Variants in ZMYND19 observed in about 807,000 individuals in gnomAD.
The protein encoded by ZMYND19 is zinc finger MYND-type containing 19, also known as zinc finger MYND domain-containing protein 19.
In ZMYND19, 17 loss-of-function variants were observed where a neutral mutation model predicts 32.0. The observed-to-expected ratio is 0.53, with a 90% CI of 0.36 to 0.80. ZMYND19 has a LOEUF of 0.80. Among genes scored for constraint, ZMYND19 ranks in the 30% least tolerant of loss-of-function variants. The pLI is 0.00. For synonymous variants in ZMYND19, 124 were observed against 113.6 expected (o/e 1.09, Z -0.58); for missense variants, 250 against 293.6 (o/e 0.85, Z 1.09).
At chr9:137,582,832 G>T in intron 5 of ZMYND19, 146 bp from the exon 6 acceptor site, 1 of 1,503,416 alleles carries the variant, frequency 6.7e-7, no homozygotes, top group Non-Finnish European at 8.9e-7. Context: ...GCCAGCACAA[G>T]GGCAAAGGGA....
chr9:137,590,391 G>T lies in ZMYND19; in HGVS notation c.-128C>A. ...CGGGGTCGGGGTAGCAGCCAGGCGGGCTCCGGGCGGGACGAGGCTGGGCCG... is the reference window on the plus strand; with the variant it reads ...CGGGGTCGGGGTAGCAGCCAGGCGGTCTCCGGGCGGGACGAGGCTGGGCCG... On this transcript the variant is annotated 5_prime_UTR_variant, in exon 1 of 6. Coordinates refer to ENST00000298585, the MANE Select transcript of ZMYND19 (RefSeq NM_138462.3). The surrounding 1 kb of genome is among the most constrained non-coding windows in gnomAD (Gnocchi z 4.2). 1.8e-6 allele frequency: 1 copy of T among 549,328 alleles called. No homozygotes were observed. The highest frequency in any genetic ancestry group is 2.3e-6 in the Non-Finnish European group (1 of 432,840). The allele number at this position is 549,328 out of a possible 1,614,324, so 34.0% of individuals were successfully genotyped here. A position where few individuals can be genotyped will look rare whatever the true frequency, so the allele number is the denominator to read the frequency against.
intron 4 of ZMYND19, among the ~76,000 whole-genome samples, chr9:137,584,963 G>A (rs747124600): frequency 6.6e-6 from 1 of 152,154 alleles, no homozygotes; most frequent in Non-Finnish European, 1.5e-5. Flanking sequence ...TCTGTTTCTT[G>A]CAACCCAAAG....
At position 137,587,036 on chromosome 9, in the gene ZMYND19, C is replaced by A. The variant is rs1329205190; in HGVS notation, c.290G>T (p.Arg97Leu). Reference sequence around the variant, plus strand: ...CGGCACCAGTTGCAGGTTGTCCAGGCGATTGTCCACGGTCACAGCGTTGAG... The same window carrying A: ...CGGCACCAGTTGCAGGTTGTCCAGGAGATTGTCCACGGTCACAGCGTTGAG... ...VHLNAVTVDN[R>L]LDNLQLVPWG... The change falls in exon 4 of 6, where the codon CGC (arginine) becomes CTC (leucine). Residue 97 changes from arginine (R) to leucine (L), a missense_variant. By Grantham distance (102) the Arg-to-Leu change is moderately radical. This residue lies in a region of ZMYND19 where 212 missense variants were observed against 218.8 expected (regional missense o/e 0.97). Transcript: ENST00000298585. 1.9e-6 allele frequency: 3 copies of A among 1,611,822 alleles called. No individual in the cohort carries two copies. Among genetic ancestry groups the A allele is most frequent in the Non-Finnish European group, 2.5e-6 (3 of 1,180,028 alleles).
rs1235562329 is a variant in ZMYND19, at chr9:137,587,819, C to T, written c.116G>A (p.Arg39Gln). 6 of 1,613,922 alleles carry T rather than the reference C, an allele frequency of 3.7e-6. No individual in the cohort carries two copies. Among genetic ancestry groups the T allele is most frequent in the Admixed American group, 1.7e-5 (1 of 60,006 alleles). The change falls in exon 3 of 6, where the codon CGA (arginine) becomes CAA (glutamine). Residue 39 changes from arginine to glutamine, a missense_variant. Arg to Gln is a conservative substitution (Grantham distance 43, BLOSUM62 1). Transcript: ENST00000298585. ...ATTTCCATCTGCATCCACTTCCATT[C>T]GGGCCTGAGAAGGAACAAGGGAAAG... Reference protein sequence around the residue: ...PLVESYSFEARMEVDADGNGA... With the variant: ...PLVESYSFEAQMEVDADGNGA...
At chr9:137,584,651 G>A (rs1842184111) in intron 4 of ZMYND19, among the ~76,000 whole-genome samples, 1 of 152,156 alleles carries the variant, frequency 6.6e-6, no homozygotes, top group Admixed American at 6.5e-5. Context: ...GGACAACGCA[G>A]GAGGAGATGC....
intron 2 of ZMYND19, 79 bp downstream of exon 2, chr9:137,588,580 G>C (rs1842233332): frequency 6.6e-7 from 1 of 1,524,150 alleles, no homozygotes; most frequent in Admixed American, 1.7e-5. Context: ...TTGCAGCACA[G>C]GGGAGAGAGC....
Position 137,587,806 on chromosome 9 carries a change from A to C in ZMYND19, c.129T>G (p.Asp43Glu). The change falls in exon 3 of 6, where the codon GAT (aspartate) becomes GAG (glutamate). Residue 43 changes from aspartate (D) to glutamate (E), a missense_variant. Physicochemically the swap from Asp to Glu is conservative, Grantham distance 45 (BLOSUM62 2). Around this residue, in one of 2 missense-constraint regions of ZMYND19, gnomAD observed 212 missense variants for 218.8 expected, o/e 0.97. Transcript: ENST00000298585. ...ATATCTTAGCACCATTTCCATCTGC[A>C]TCCACTTCCATTCGGGCCTGAGAAG... The part of the protein sequence containing the change: ...SYSFEARMEV[D>E]ADGNGAKIFA... 1 of 1,614,144 alleles carries C rather than the reference A, an allele frequency of 6.2e-7. No homozygotes were observed. The highest frequency in any genetic ancestry group is 8.5e-7 in the Non-Finnish European group (1 of 1,180,022).
At chr9:137,589,994 T>G (rs891149777) in intron 1 of ZMYND19, 44 of 985,028 alleles carry the variant, frequency 4.5e-5, no homozygotes, top group Non-Finnish European at 5.3e-5. Context: ...GGTGGCCAGG[T>G]GCACCCCAGA....
intron 1 of ZMYND19, chr9:137,589,792 G>A (rs1443119989): frequency 1.5e-5 from 15 of 985,508 alleles, no homozygotes; most frequent in Middle Eastern, 1.0e-3. Flanking sequence ...GTGTGGAAGT[G>A]GCGCTGCCTC....
intron 1 of ZMYND19, chr9:137,588,925 C>G: frequency 1.8e-6 from 1 of 570,660 alleles, no homozygotes; most frequent in South Asian, 2.2e-5. Flanking sequence ...CACAGGCAGA[C>G]AGGTTAAAAG....
rs749426760 is a variant in ZMYND19, at chr9:137,583,031, G to A, written c.492C>T (p.Cys164=). ...GDVVEEEENS[C]TYYECHYPPC... Reference sequence around the variant, plus strand: ...GAGGGTAGTGGCACTCATAGTAGGTGCAAGAGTTCTCCTCCTCTTCCACTA... The same window carrying A: ...GAGGGTAGTGGCACTCATAGTAGGTACAAGAGTTCTCCTCCTCTTCCACTA... The change falls in exon 5 of 6, where the codon TGC becomes TGT. Residue 164 remains cysteine, a synonymous_variant. Transcript: ENST00000298585. 6 of 1,614,102 alleles carry A rather than the reference G, an allele frequency of 3.7e-6. No homozygotes were observed. The highest frequency in any genetic ancestry group is 3.4e-6 in the Non-Finnish European group (4 of 1,180,036).
chr9:137,589,598 G>A (rs975452282), intron 1 of ZMYND19: 19 of 985,358 alleles, frequency 1.9e-5, no homozygotes, highest in African/African-American at 7.0e-5. Flanking sequence ...TGGGGGCCAA[G>A]TAAGAAGAGA....
chr9:137,588,082 A>G (rs1220280360), intron 2 of ZMYND19, among the ~76,000 whole-genome samples: 1 of 152,038 alleles, frequency 6.6e-6, no homozygotes, highest in Non-Finnish European at 1.5e-5. Flanking sequence ...AGACAAATAC[A>G]TTTTCCTACC....
chr9:137,585,081 G>C (rs553708240), intron 4 of ZMYND19, among the ~76,000 whole-genome samples: 1 of 152,278 alleles, frequency 6.6e-6, no homozygotes, highest in South Asian at 2.1e-4. Flanking sequence ...TAATATTAGA[G>C]CAAGGACCGG....
At chr9:137,587,670 C>T (rs902824222) in intron 3 of ZMYND19, 47 bp downstream of exon 3, 1 of 1,575,536 alleles carries the variant, frequency 6.3e-7, no homozygotes, top group Non-Finnish European at 8.7e-7. Context: ...TCGGAGCTCA[C>T]CCAGGAGCCC....
rs980754042 is a variant in ZMYND19 at position 137,590,050 on chromosome 9, G to C, written c.51+163C>G. 2.0e-6 allele frequency: 2 copies of C among 983,556 alleles called. No individual in the cohort carries two copies. Among genetic ancestry groups the C allele is most frequent in the Non-Finnish European group, 2.4e-6 (2 of 828,918 alleles). The allele number at this position is 983,556 out of a possible 1,614,324, so 60.9% of individuals were successfully genotyped here. ...CGGCCTGCGAGAGGAAGCTGCACCC[G>C]CGCGGGGCCAGCAGCCGGGCCCGCG... On this transcript the variant is annotated intron_variant, in intron 1 of 5. Transcript: ENST00000298585. The surrounding 1 kb of genome is among the most constrained non-coding windows in gnomAD (Gnocchi z 4.2).
rs1842189420 is a variant in ZMYND19, at chr9:137,585,084, A to T, written c.359+1883T>A. On this transcript the variant is annotated intron_variant, in intron 4 of 5. Transcript: ENST00000298585. Reference sequence around the variant, plus strand: ...AGGTCAAAACTCTAATATTAGAGCAAGGACCGGGCGTGGTGGTGCACACCC... The same window carrying T: ...AGGTCAAAACTCTAATATTAGAGCATGGACCGGGCGTGGTGGTGCACACCC... Among the ~76,000 whole-genome samples, 3 of 152,186 alleles carry T rather than the reference A, an allele frequency of 2.0e-5. No homozygotes were observed. In the South Asian group the frequency reaches 6.2e-4, roughly 32 times the overall value.
intron 4 of ZMYND19, among the ~76,000 whole-genome samples, chr9:137,585,009 C>T (rs1373754009): frequency 1.3e-5 from 2 of 152,148 alleles, no homozygotes; most frequent in Admixed American, 6.6e-5. Context: ...AATAAAAACC[C>T]CATTCAACAA....
In ZMYND19 at chr9:137,582,561, C is replaced by T. The variant is rs756047962; in HGVS notation, c.666G>A (p.Glu222=). ...CRERKRPFQH[E]LEPER ...CTGCCCGTCATCGCTCTGGCTCAAG[C>T]TCATGCTGGAAGGGACGCTTCCTCT... The change falls in exon 6 of 6, where the codon GAG becomes GAA. Residue 222 remains glutamate, a synonymous_variant. Coordinates refer to ENST00000298585, the MANE Select transcript of ZMYND19 (RefSeq NM_138462.3). 30 of 1,612,982 alleles carry T rather than the reference C, an allele frequency of 1.9e-5. No individual in the cohort carries two copies. The East Asian group carries it at 6.7e-4, about 36-fold the overall frequency.
Sources: gnomAD v4.1 joint callset for allele counts (sites outside exome capture counted in the v4.1 genomes callset) on GRCh38, gnomAD v4.1.1 for gene constraint, gnomAD v4.1.1 regional missense constraint, Gnocchi (gnomAD v3.1) non-coding constraint, MANE v1.5 for transcripts, NCBI Gene and HGNC (gene_info 2026-07-23, HGNC 2026-07-21) for gene names.